The following ZSWIM7 variants were observed in gnomAD, a reference collection of about 807,000 sequenced individuals.
ZSWIM7 encodes zinc finger SWIM-type containing 7, also known as zinc finger SWIM domain-containing protein 7.
Under a neutral mutation model 21.1 loss-of-function variants are expected in ZSWIM7, and 22 were observed. The observed-to-expected ratio is 1.04, with a 90% CI of 0.74 to 1.49. The LOEUF (loss-of-function observed/expected upper bound fraction) is 1.49. Ranked by LOEUF, ZSWIM7 falls within the 40% of genes most tolerant of loss-of-function variation. ZSWIM7 has a pLI of 0.00. For synonymous variants in ZSWIM7, 67 were observed against 66.5 expected (o/e 1.01, Z -0.04); for missense variants, 193 against 168.0 (o/e 1.15, Z -0.82).
intron 1 of ZSWIM7, 22 bp downstream of exon 1, chr17:15,999,497 A>C: frequency 6.3e-7 from 1 of 1,595,956 alleles, no homozygotes; most frequent in Non-Finnish European, 8.5e-7. Context: ...TGGCGCAGCC[A>C]CACACGACCT....
chr17:15,999,482 G>C (rs1970638183), intron 1 of ZSWIM7, 37 bp downstream of exon 1: 2 of 1,591,632 alleles, frequency 1.3e-6, no homozygotes, highest in Non-Finnish European at 1.7e-6. Flanking sequence ...CCCCGCCCGC[G>C]CCCATGGCGC....
At chr17:15,996,402 T>C (rs985912639) in intron 1 of ZSWIM7, among the ~76,000 whole-genome samples, 1 of 151,934 alleles carries the variant, frequency 6.6e-6, no homozygotes, top group Non-Finnish European at 1.5e-5. Context: ...TCCCAGCACT[T>C]TGGGAGGCCA....
rs1219525498 is a variant in ZSWIM7, at chr17:15,993,762, C to G, written c.93G>C (p.Leu31=). 6.7e-7 allele frequency: 1 copy of G among 1,497,762 alleles called. No homozygotes were observed. The highest frequency in any genetic ancestry group is 9.2e-7 in the Non-Finnish European group (1 of 1,084,404). The allele number at this position is 1,497,762 out of a possible 1,614,324, so 92.8% of individuals were successfully genotyped here. The change falls in exon 2 of 5, where the codon CTG becomes CTC. Residue 31 remains leucine, a synonymous_variant. Coordinates refer to ENST00000399277, the MANE Select transcript of ZSWIM7 (RefSeq NM_001042697.2). ...QESARIPDEY[L]LSLKFLFGSS... ...ACAACAGTATATGTACTTACGATAACAGATATTCATCAGGAACTGTAAAAT... is the reference window on the plus strand; with the variant it reads ...ACAACAGTATATGTACTTACGATAAGAGATATTCATCAGGAACTGTAAAAT...
chr17:15,999,577 C>A lies in ZSWIM7; in HGVS notation c.18G>T (p.Pro6=). The A allele has an allele frequency of 1.3e-6, 2 of 1,590,374 alleles. No individual in the cohort carries two copies. Among genetic ancestry groups the A allele is most frequent in the Middle Eastern group, 1.7e-4 (1 of 5,942 alleles). The stretch of plus-strand genomic sequence containing the variant: ...CGCTCAGGAGCTCCTCCACAACCGC[C>A]GGCAACACTACGGCCATCGCGCCGC... MAVVL[P]AVVEELLSEM... Residue 6 remains proline (P), a synonymous_variant, in exon 1 of 5, where the codon CCG becomes CCT. Coordinates refer to ENST00000399277, the MANE Select transcript of ZSWIM7 (RefSeq NM_001042697.2).
intron 3 of ZSWIM7, among the ~76,000 whole-genome samples, chr17:15,981,816 T>A (rs533074752): frequency 1.1e-4 from 16 of 152,296 alleles, no homozygotes; most frequent in African/African-American, 3.6e-4. Flanking sequence ...CTCAGGAGGC[T>A]GAGAAGGGAG....
chr17:15,999,570 C>T lies in ZSWIM7; in HGVS notation c.25G>A (p.Val9Met). MAVVLPAV[V>M]EELLSEMAAA... ...GCCATCTCGCTCAGGAGCTCCTCCA[C>T]AACCGCCGGCAACACTACGGCCATC... is the stretch of plus-strand genomic sequence containing the variant. Residue 9 changes from valine (V) to methionine (M), a missense_variant, in exon 1 of 5, where the codon GTG becomes ATG. Transcript: ENST00000399277. 1 of 1,583,852 alleles carries T rather than the reference C, an allele frequency of 6.3e-7. No individual in the cohort carries two copies. The highest frequency in any genetic ancestry group is 8.6e-7 in the Non-Finnish European group (1 of 1,164,286).
Position 15,978,090 on chromosome 17 carries a change from T to A in ZSWIM7, c.380A>T (p.Gln127Leu). Residue 127 changes from glutamine (Q) to leucine (L), a missense_variant, in exon 5 of 5, where the codon CAG (glutamine) becomes CTG (leucine). Coordinates refer to ENST00000399277, the MANE Select transcript of ZSWIM7 (RefSeq NM_001042697.2). ...CTCCATCAATAATATGTCAGTCAAC[T>A]GCTTGTCAGAGACACTTAGCTGCTG... ...TCQQLSVSDKQLTDILLMEKK... is the reference protein window; with the variant it reads ...TCQQLSVSDKLLTDILLMEKK... The A allele has an allele frequency of 6.2e-7, 1 of 1,614,186 alleles. No homozygotes were observed. The highest frequency in any genetic ancestry group is 8.5e-7 in the Non-Finnish European group (1 of 1,180,016).
At chr17:15,994,196 A>G (rs1027764891) in intron 1 of ZSWIM7, among the ~76,000 whole-genome samples, 2 of 152,138 alleles carry the variant, frequency 1.3e-5, no homozygotes, top group African/African-American at 4.8e-5. Flanking sequence ...CAAGTGATCC[A>G]CTGGCCTTGG....
At chr17:15,987,198 T>C (rs1036366952) in intron 3 of ZSWIM7, 68 bp downstream of exon 3, 2 of 1,317,698 alleles carry the variant, frequency 1.5e-6, no homozygotes, top group Non-Finnish European at 2.1e-6. Flanking sequence ...CAACAGCTTC[T>C]ACAGAGATGA....
Position 15,978,182 on chromosome 17 carries a change from A to AC in ZSWIM7, c.307-20dup. The AC allele has an allele frequency of 1.3e-6, 2 of 1,589,510 alleles. No individual in the cohort carries two copies. The highest frequency in any genetic ancestry group is 2.2e-5 in the South Asian group (2 of 90,584). On this transcript the variant is annotated intron_variant, in intron 4 of 4. Transcript: ENST00000399277. ...GCTTGCACTGGAATATAAAACACAC[A>AC]CACCTATTAGAAACAGGCAGGGCCA...
intron 1 of ZSWIM7, 88 bp from the exon 2 acceptor site, chr17:15,993,866 C>T (rs1166925272): frequency 3.0e-6 from 3 of 988,934 alleles, no homozygotes; most frequent in Non-Finnish European, 3.1e-6. Flanking sequence ...TAACTAAAAA[C>T]ACTTCCGTGT....
intron 1 of ZSWIM7, among the ~76,000 whole-genome samples, chr17:15,998,242 A>G (rs922978110): frequency 1.3e-5 from 2 of 152,228 alleles, no homozygotes; most frequent in African/African-American, 4.8e-5. Flanking sequence ...GAACAATTGT[A>G]TAAGCTAACA....
At chr17:15,995,326 G>A (rs1387396308) in intron 1 of ZSWIM7, among the ~76,000 whole-genome samples, 1 of 150,736 alleles carries the variant, frequency 6.6e-6, no homozygotes, top group African/African-American at 2.4e-5. Context: ...GGAGTACAAT[G>A]ACGCAATCTC....
chr17:15,999,645 G>T lies in ZSWIM7; in HGVS notation c.-51C>A. Reference sequence around the variant, plus strand: ...ACCGGCGGACCGCCGCGACGCTCCAGCTGACTGCGCCTACCTGTGGAGGAT... The same window carrying T: ...ACCGGCGGACCGCCGCGACGCTCCATCTGACTGCGCCTACCTGTGGAGGAT... On this transcript the variant is annotated 5_prime_UTR_variant, in exon 1 of 5. It adds an upstream start codon to the 5' untranslated region. Transcript: ENST00000399277. 6.4e-7 allele frequency: 1 copy of T among 1,565,788 alleles called. No homozygotes were observed. The highest frequency in any genetic ancestry group is 8.6e-7 in the Non-Finnish European group (1 of 1,156,464).
chr17:15,984,907 T>A (rs1259843830), intron 3 of ZSWIM7, among the ~76,000 whole-genome samples: 1 of 152,248 alleles, frequency 6.6e-6, no homozygotes, highest in Admixed American at 6.5e-5. Context: ...GAATGAGATC[T>A]AAAACTTTGT....
intron 4 of ZSWIM7, among the ~76,000 whole-genome samples, chr17:15,978,502 C>G (rs2159643): frequency 0.6 from 91,121 of 152,034 alleles, 27,892 homozygotes; most frequent in African/African-American, 0.7. Context: ...GGAGGCTGAG[C>G]CATGAGAATC....
intron 4 of ZSWIM7, 70 bp downstream of exon 4, chr17:15,980,970 T>A (rs1418429221): frequency 3.4e-6 from 4 of 1,172,686 alleles, no homozygotes; most frequent in Non-Finnish European, 4.9e-6. Context: ...TGTAGAATAG[T>A]TAAACCACAA....
chr17:15,998,107 A>C (rs1415789561), intron 1 of ZSWIM7, among the ~76,000 whole-genome samples: 1 of 152,034 alleles, frequency 6.6e-6, no homozygotes, highest in African/African-American at 2.4e-5. Flanking sequence ...CTAAAAAAAA[A>C]AAACAAACCA....
intron 4 of ZSWIM7, among the ~76,000 whole-genome samples, chr17:15,979,528 C>T (rs2151618386): frequency 6.6e-6 from 1 of 152,164 alleles, no homozygotes; most frequent in East Asian, 1.9e-4. Flanking sequence ...GGGGTGGTGG[C>T]CGGGCAGAGG....
Sources: allele counts gnomAD v4.1 joint callset (sites outside exome capture counted in the v4.1 genomes callset), GRCh38; gene constraint gnomAD v4.1.1; transcripts MANE v1.5; gene names NCBI Gene and HGNC (gene_info 2026-07-23, HGNC 2026-07-21).